KCNC2: variants seen among roughly 807,000 people sequenced by gnomAD.
KCNC2 encodes potassium voltage-gated channel subfamily C member 2, also known as voltage-gated potassium channel KCNC2.
A neutral mutation model predicts 44.5 loss-of-function variants in KCNC2; 21 were observed. The ratio of observed to expected loss-of-function variants is 0.47; its 90% CI spans 0.33 to 0.68. The LOEUF is 0.68. Among genes scored for constraint, KCNC2 ranks in the 30% least tolerant of loss-of-function variants. The pLI, the probability that KCNC2 is intolerant of heterozygous loss-of-function variation, is 0.01. For synonymous variants in KCNC2, 391 were observed against 339.1 expected (o/e 1.15, Z -1.68); for missense variants, 589 against 826.2 (o/e 0.71, Z 3.52).
intron 2 of KCNC2, among the ~76,000 whole-genome samples, chr12:75,078,511 T>TA (rs1286010943): frequency 6.6e-6 from 1 of 152,192 alleles, no homozygotes; most frequent in East Asian, 1.9e-4. Flanking sequence ...TTCTCCATCA[T>TA]AATAGTCAAC....
intron 2 of KCNC2, among the ~76,000 whole-genome samples, chr12:75,102,247 A>G (rs1406880064): frequency 6.6e-6 from 1 of 152,092 alleles, no homozygotes; most frequent in African/African-American, 2.4e-5. Flanking sequence ...GAATCAGGAG[A>G]GAAGGAAAAT....
At chr12:75,068,644 C>T (rs561907519) in intron 2 of KCNC2, among the ~76,000 whole-genome samples, 1 of 152,102 alleles carries the variant, frequency 6.6e-6, no homozygotes, top group Non-Finnish European at 1.5e-5. Flanking sequence ...AGCTTAATTT[C>T]CAGGAACATT....
At chr12:75,109,070 C>T (rs983392953) in intron 2 of KCNC2, among the ~76,000 whole-genome samples, 1 of 152,116 alleles carries the variant, frequency 6.6e-6, no homozygotes, top group Admixed American at 6.5e-5. Context: ...GGGCAGGCTG[C>T]TTATGTATCT....
intron 2 of KCNC2, among the ~76,000 whole-genome samples, chr12:75,186,882 A>G (rs1042641882): frequency 6.6e-6 from 1 of 152,198 alleles, no homozygotes; most frequent in Middle Eastern, 3.2e-3. Flanking sequence ...TATTTCACCA[A>G]ATTGGTATCT....
Position 75,042,173 on chromosome 12 carries a change from C to T in KCNC2, c.*932G>A. The T allele has an allele frequency of 7.7e-7, 1 of 1,299,820 alleles. No individual in the cohort carries two copies. Among genetic ancestry groups the T allele is most frequent in the Non-Finnish European group, 9.8e-7 (1 of 1,018,078 alleles). 80.5% of individuals were successfully genotyped at this position (1,299,820 alleles called of 1,614,324 possible). A position where few individuals can be genotyped will look rare whatever the true frequency, so the allele number is the denominator to read the frequency against. Reference sequence around the variant, plus strand: ...CAAGAGCTTTGGGTGATATTTGGCACTCTGCCTCTGAAAATGATGACAAAC... The same window carrying T: ...CAAGAGCTTTGGGTGATATTTGGCATTCTGCCTCTGAAAATGATGACAAAC... On this transcript the variant is annotated 3_prime_UTR_variant, in exon 5 of 5. Transcript: ENST00000549446.
At chr12:75,142,978 T>A (rs1226279148) in intron 2 of KCNC2, among the ~76,000 whole-genome samples, 2 of 152,152 alleles carry the variant, frequency 1.3e-5, no homozygotes, top group African/African-American at 4.8e-5. Context: ...TTTCATGATT[T>A]AACACCAATT....
chr12:75,042,555 C>T lies in KCNC2; in HGVS notation c.*550G>A. The T allele has an allele frequency of 1.4e-6, 2 of 1,396,410 alleles. No individual in the cohort carries two copies. The highest frequency in any genetic ancestry group is 9.3e-7 in the Non-Finnish European group (1 of 1,078,598). 86.5% of individuals were successfully genotyped at this position (1,396,410 alleles called of 1,614,324 possible). ...CAACATGCAGAACAGTCGACCAATG[C>T]TTTCATATCAGCAGGATGGTTCGAT... On this transcript the variant is annotated 3_prime_UTR_variant, in exon 5 of 5. Coordinates refer to ENST00000549446, the MANE Select transcript of KCNC2 (RefSeq NM_139137.4).
chr12:75,047,101 T>G (rs1880611799), intron 4 of KCNC2, among the ~76,000 whole-genome samples: 1 of 152,034 alleles, frequency 6.6e-6, no homozygotes, highest in Non-Finnish European at 1.5e-5. Flanking sequence ...TTATTCAAAT[T>G]CAGTCAATTA....
intron 4 of KCNC2, 81 bp from the exon 5 acceptor site, chr12:75,043,322 A>G: frequency 6.5e-7 from 1 of 1,532,498 alleles, no homozygotes; most frequent in Non-Finnish European, 8.8e-7. Context: ...GGGCAATCAA[A>G]AGTGCTACTT....
At chr12:75,200,966 A>G (rs909257918) in intron 2 of KCNC2, among the ~76,000 whole-genome samples, 5 of 151,712 alleles carry the variant, frequency 3.3e-5, no homozygotes, top group African/African-American at 9.7e-5. Flanking sequence ...TGTTGTTGAT[A>G]AGATACTTTT....
chr12:75,093,627 G>A (rs1462191768), intron 2 of KCNC2, among the ~76,000 whole-genome samples: 3 of 151,584 alleles, frequency 2.0e-5, no homozygotes, highest in African/African-American at 4.8e-5. Context: ...AGTGGTCAAA[G>A]ATGCTTAATT....
chr12:75,157,765 CAG>C (rs1000357798), intron 2 of KCNC2, among the ~76,000 whole-genome samples: 3 of 151,866 alleles, frequency 2.0e-5, no homozygotes, highest in Non-Finnish European at 2.9e-5. Flanking sequence ...TGACTACTGA[CAG>C]TGATTATTTT....
chr12:75,145,756 G>A (rs952792506), intron 2 of KCNC2, among the ~76,000 whole-genome samples: 5 of 151,978 alleles, frequency 3.3e-5, no homozygotes, highest in African/African-American at 1.2e-4. Flanking sequence ...GATTTTTTGG[G>A]TAGGGAAGAG....
At chr12:75,111,881 T>C (rs1431231248) in intron 2 of KCNC2, among the ~76,000 whole-genome samples, 1 of 152,078 alleles carries the variant, frequency 6.6e-6, no homozygotes, top group African/African-American at 2.4e-5. Flanking sequence ...TTCAACAAGC[T>C]ATTCCACCAG....
intron 2 of KCNC2, among the ~76,000 whole-genome samples, chr12:75,074,191 A>G (rs1190943884): frequency 6.6e-6 from 1 of 150,592 alleles, no homozygotes; most frequent in East Asian, 2.0e-4. Flanking sequence ...AATAAGTAGG[A>G]GGTCTGCAAG....
At chr12:75,182,854 C>T (rs1389241383) in intron 2 of KCNC2, among the ~76,000 whole-genome samples, 1 of 152,152 alleles carries the variant, frequency 6.6e-6, no homozygotes, top group East Asian at 1.9e-4. Context: ...AAATTAGTTA[C>T]CAAAATTCTG....
intron 3 of KCNC2, among the ~76,000 whole-genome samples, chr12:75,049,560 G>T (rs1880944681): frequency 6.6e-6 from 1 of 151,998 alleles, no homozygotes; most frequent in Admixed American, 6.6e-5. Flanking sequence ...ACTCTACATT[G>T]TCTATAGCAA....
chr12:75,112,140 G>A lies in KCNC2; in HGVS notation c.688-60823C>T, dbSNP rs575191416. ...TAATTTATCTATCACTTTATATAAT[G>A]TGAAAAATACAAAAATAAAAGATAA... On this transcript the variant is annotated intron_variant, in intron 2 of 4. Transcript: ENST00000549446. 4.0e-5 allele frequency among the ~76,000 whole-genome samples: 6 copies of A among 151,690 alleles called. No homozygotes were observed. The South Asian group carries it at 1.3e-3, about 32-fold the overall frequency.
intron 2 of KCNC2, among the ~76,000 whole-genome samples, chr12:75,200,661 ATATGGAGCACTATACAC>A (rs1238521194): frequency 6.6e-6 from 1 of 151,736 alleles, no homozygotes; most frequent in African/African-American, 2.4e-5. Flanking sequence ...AAAAACAGAA[ATATGGAGCACTATACAC>A]TATACATACA....
Sources: gnomAD v4.1 joint callset for allele counts (sites outside exome capture counted in the v4.1 genomes callset) on GRCh38, gnomAD v4.1.1 for gene constraint, MANE v1.5 for transcripts, NCBI Gene and HGNC (gene_info 2026-07-23, HGNC 2026-07-21) for gene names.